INPP4B: variants seen among roughly 807,000 people sequenced by gnomAD.
INPP4B encodes inositol polyphosphate 4-phosphatase type II.
A neutral mutation model predicts 122.5 loss-of-function variants in INPP4B; 55 were observed. That is an observed-to-expected ratio of 0.45 (90% CI 0.36 to 0.56). The LOEUF (loss-of-function observed/expected upper bound fraction) is 0.56. Ranked by LOEUF, INPP4B falls within the 20% of genes least tolerant of loss-of-function variation. The pLI, the probability that INPP4B is intolerant of heterozygous loss-of-function variation, is 0.00. For missense variants in INPP4B, 1,000 were observed against 1,097.7 expected (o/e 0.91, Z 1.26); for synonymous variants, 403 against 388.7 (o/e 1.04, Z -0.43).
rs147088900 is a variant in INPP4B at position 142,333,222 on chromosome 4, G to C, written c.373-18460C>G. Among the ~76,000 whole-genome samples, 350 of 152,238 alleles carry C rather than the reference G, an allele frequency of 2.3e-3. 2 individuals are homozygous for C. The highest frequency in any genetic ancestry group is 8.2e-3 in the African/African-American group (340 of 41,530). On this transcript the variant is annotated intron_variant, in intron 7 of 25. Transcript: ENST00000262992. ...TCTCTTTTCCTGATCCTTAAAACGA[G>C]ATTGTTGTATCAGCAGCACTGGAAT...
intron 2 of INPP4B, among the ~76,000 whole-genome samples, chr4:142,533,587 C>G (rs560833183): frequency 6.6e-6 from 1 of 152,178 alleles, no homozygotes; most frequent in East Asian, 1.9e-4. Context: ...AATTACTCAT[C>G]ATAATTACTG....
chr4:142,391,597 A>C (rs1357147834), intron 7 of INPP4B, among the ~76,000 whole-genome samples: 1 of 152,082 alleles, frequency 6.6e-6, no homozygotes, highest in Admixed American at 6.6e-5. Flanking sequence ...AAAACAAACA[A>C]AAACAAACAA....
chr4:142,346,893 G>A (rs1780474653), intron 7 of INPP4B, among the ~76,000 whole-genome samples: 1 of 152,014 alleles, frequency 6.6e-6, no homozygotes, highest in Non-Finnish European at 1.5e-5. Context: ...AGTGGCACCA[G>A]CCATCCTATT....
chr4:142,393,849 T>G (rs573664258), intron 7 of INPP4B, among the ~76,000 whole-genome samples: 4 of 152,234 alleles, frequency 2.6e-5, no homozygotes, highest in African/African-American at 4.8e-5. Flanking sequence ...CACCTCCGTT[T>G]TCTTGTCTAT....
chr4:142,571,174 G>A (rs1047666760), intron 2 of INPP4B, among the ~76,000 whole-genome samples: 2 of 150,704 alleles, frequency 1.3e-5, no homozygotes, highest in Non-Finnish European at 2.9e-5. Flanking sequence ...CCCCAGAAAA[G>A]CTTCCAATCC....
At chr4:142,632,501 A>C (rs1560893868) in intron 2 of INPP4B, among the ~76,000 whole-genome samples, 1 of 152,138 alleles carries the variant, frequency 6.6e-6, no homozygotes, top group Non-Finnish European at 1.5e-5. Context: ...ACTTGATAGA[A>C]GAAATAATAG....
intron 2 of INPP4B, among the ~76,000 whole-genome samples, chr4:142,703,426 A>T (rs1265281825): frequency 1.3e-5 from 2 of 152,212 alleles, no homozygotes; most frequent in Admixed American, 6.5e-5. Context: ...AAGGAACATT[A>T]TGAGGGGCAG....
At chr4:142,473,778 C>T (rs1210810149) in intron 2 of INPP4B, among the ~76,000 whole-genome samples, 2 of 152,070 alleles carry the variant, frequency 1.3e-5, no homozygotes, top group Admixed American at 1.3e-4. Flanking sequence ...CTCCATGACC[C>T]CCACAGATAG....
chr4:142,235,714 C>G (rs946254486), intron 12 of INPP4B, among the ~76,000 whole-genome samples: 1 of 152,158 alleles, frequency 6.6e-6, no homozygotes, highest in Admixed American at 6.5e-5. Flanking sequence ...CGTGAGCCAC[C>G]GCGTCCACCT....
At chr4:142,043,802 G>A (rs1376994471) in intron 25 of INPP4B, among the ~76,000 whole-genome samples, 1 of 152,152 alleles carries the variant, frequency 6.6e-6, no homozygotes, top group African/African-American at 2.4e-5. Flanking sequence ...GATGTAGGGT[G>A]GGCAAACACT....
At chr4:142,643,512 T>A (rs1751008471) in intron 2 of INPP4B, among the ~76,000 whole-genome samples, 1 of 152,180 alleles carries the variant, frequency 6.6e-6, no homozygotes, top group Non-Finnish European at 1.5e-5. Flanking sequence ...CTTGACCTGA[T>A]GATGGTTGCA....
At chr4:142,478,217 T>G (rs1009766050) in intron 2 of INPP4B, among the ~76,000 whole-genome samples, 1 of 152,208 alleles carries the variant, frequency 6.6e-6, no homozygotes, top group Admixed American at 6.5e-5. Flanking sequence ...GTATAAAGCC[T>G]GCAAACAGCT....
chr4:142,771,510 T>C (rs766341607), intron 1 of INPP4B, among the ~76,000 whole-genome samples: 30 of 152,060 alleles, frequency 2.0e-4, no homozygotes, highest in Non-Finnish European at 3.4e-4. Flanking sequence ...TAAGAGATGA[T>C]GGTGGCTTGG....
At chr4:142,158,208 A>G (rs1451116495) in intron 17 of INPP4B, among the ~76,000 whole-genome samples, 2 of 152,084 alleles carry the variant, frequency 1.3e-5, no homozygotes, top group African/African-American at 4.8e-5. Flanking sequence ...CTAAAAGGGC[A>G]CCACATCTTC....
chr4:142,146,954 A>G (rs569257820), intron 17 of INPP4B, among the ~76,000 whole-genome samples: 1 of 152,306 alleles, frequency 6.6e-6, no homozygotes, highest in Non-Finnish European at 1.5e-5. Context: ...TTTGATTCAC[A>G]AAATTGCTAT....
chr4:142,064,069 T>A (rs1030800783), intron 25 of INPP4B, among the ~76,000 whole-genome samples: 8 of 152,194 alleles, frequency 5.3e-5, no homozygotes, highest in African/African-American at 1.9e-4. Flanking sequence ...TCCCATGATT[T>A]AGAATTAATT....
rs149496571 is a variant in INPP4B, at chr4:142,677,516, C to G, written c.-191+48323G>C. ...GTGTAATACCCAAAGGATTATAAAT[C>G]ATTCTAGTATAAAGACACAGGCACA... On this transcript the variant is annotated intron_variant, in intron 2 of 25. Coordinates refer to ENST00000262992, the MANE Select transcript of INPP4B (RefSeq NM_001101669.3). Among the ~76,000 whole-genome samples, 267 of 152,204 alleles carry G rather than the reference C, an allele frequency of 1.8e-3. 2 individuals are homozygous for G. The highest frequency in any genetic ancestry group is 6.0e-3 in the African/African-American group (251 of 41,548).
chr4:142,515,281 G>T (rs966829011), intron 2 of INPP4B, among the ~76,000 whole-genome samples: 2 of 152,252 alleles, frequency 1.3e-5, no homozygotes, highest in African/African-American at 4.8e-5. Context: ...AACATGGGAT[G>T]TGGGGAGCCT....
intron 7 of INPP4B, among the ~76,000 whole-genome samples, chr4:142,316,540 C>T (rs1296445106): frequency 1.3e-5 from 2 of 151,966 alleles, no homozygotes; most frequent in Non-Finnish European, 2.9e-5. Flanking sequence ...ATAATGAATA[C>T]TCACAACATG....
Sources: allele counts gnomAD v4.1 joint callset (sites outside exome capture counted in the v4.1 genomes callset), GRCh38; gene constraint gnomAD v4.1.1; transcripts MANE v1.5; gene names NCBI Gene and HGNC (gene_info 2026-07-23, HGNC 2026-07-21).